Variants in RELN observed in about 807,000 individuals in gnomAD.
The protein encoded by RELN is reelin.
RELN carries 108 observed loss-of-function variants against 427.6 expected under a neutral mutation model. That is an observed-to-expected ratio of 0.25 (90% CI 0.22 to 0.30). The LOEUF (loss-of-function observed/expected upper bound fraction) is 0.30. Among genes scored for constraint, RELN ranks in the 10% least tolerant of loss-of-function variants. RELN has a pLI of 1.00. For synonymous variants in RELN, 1,524 were observed against 1,513.4 expected (o/e 1.01, Z -0.16); for missense variants, 3,715 against 4,302.8 (o/e 0.86, Z 3.82).
rs747867154 is a variant in RELN at position 103,515,209 on chromosome 7, T to C, written c.8095A>G (p.Met2699Val). 5 of 1,614,076 alleles carry C rather than the reference T, an allele frequency of 3.1e-6. No individual in the cohort carries two copies. The highest frequency in any genetic ancestry group is 1.6e-4 in the Middle Eastern group (1 of 6,084). ...CCTGAAGTTTTGTCTTCCATAAACATGTCAAAGGCGATCCTCCCGACAGGG... is the reference window on the plus strand; with the variant it reads ...CCTGAAGTTTTGTCTTCCATAAACACGTCAAAGGCGATCCTCCCGACAGGG... The part of the protein sequence containing the change: ...AGPVGRIAFD[M>V]FMEDKTSVNE... The change falls in exon 50 of 65, where the codon ATG (methionine) becomes GTG (valine). Residue 2699 changes from methionine to valine, a missense_variant. Coordinates refer to ENST00000428762, the MANE Select transcript of RELN (RefSeq NM_005045.4).
In RELN at chr7:103,523,651, C is replaced by T; in HGVS notation, c.7350-120G>A. On this transcript the variant is annotated intron_variant, in intron 46 of 64. Transcript: ENST00000428762. ...AAGCATGTACATTCCTACTTCTTTT[C>T]TGAAAAGAACATTCATTATTACAAT... 3.2e-6 allele frequency: 3 copies of T among 933,474 alleles called. 1 individual carries two copies. Among genetic ancestry groups the T allele is most frequent in the Non-Finnish European group, 5.0e-6 (3 of 597,406 alleles). The allele number at this position is 933,474 out of a possible 1,614,324, so 57.8% of individuals were successfully genotyped here.
intron 1 of RELN, among the ~76,000 whole-genome samples, chr7:103,965,874 T>C (rs1256933071): frequency 1.3e-5 from 2 of 152,228 alleles, no homozygotes; most frequent in East Asian, 3.8e-4. Flanking sequence ...TAAAAATTTA[T>C]TGAAACCAAT....
rs1828442221 is a variant in RELN at position 103,486,424 on chromosome 7, A to T, written c.9764-8T>A. 6.2e-7 allele frequency: 1 copy of T among 1,607,860 alleles called. No individual in the cohort carries two copies. The highest frequency in any genetic ancestry group is 8.5e-7 in the Non-Finnish European group (1 of 1,174,438). ...AAACAGAGCAGTCATCACCTAGAGG[A>T]CAAGGAGCAGTCACAGAAATTAAGT... On this transcript the variant is annotated splice_region_variant and splice_polypyrimidine_tract_variant and intron_variant, in intron 60 of 64. Coordinates refer to ENST00000428762, the MANE Select transcript of RELN (RefSeq NM_005045.4).
At chr7:103,709,793 T>A (rs11980212) in intron 8 of RELN, among the ~76,000 whole-genome samples, 9,252 of 152,250 alleles carry the variant, frequency 0.061, 952 homozygotes, top group African/African-American at 0.21. Context: ...GCTTAAAATA[T>A]CTACATTAAA....
At chr7:103,613,716 C>T (rs1294167264) in intron 20 of RELN, among the ~76,000 whole-genome samples, 1 of 152,180 alleles carries the variant, frequency 6.6e-6, no homozygotes, top group Non-Finnish European at 1.5e-5. Flanking sequence ...TAAAGATACA[C>T]CAGTCTCCTG....
chr7:103,557,213 G>T (rs1160222187), intron 37 of RELN, 54 bp from the exon 38 acceptor site: 1 of 1,423,054 alleles, frequency 7.0e-7, no homozygotes. Context: ...ATGGGGAAAT[G>T]GTATGTTCTT....
intron 20 of RELN, among the ~76,000 whole-genome samples, chr7:103,617,568 G>A (rs1039295884): frequency 6.6e-6 from 1 of 151,020 alleles, no homozygotes; most frequent in African/African-American, 2.4e-5. Context: ...GTATATATAT[G>A]TGTGTATATA....
intron 43 of RELN, among the ~76,000 whole-genome samples, chr7:103,542,137 G>A (rs887196225): frequency 1.3e-5 from 2 of 152,156 alleles, no homozygotes; most frequent in African/African-American, 4.8e-5. Flanking sequence ...ATAATCCTCT[G>A]AGCCAGTTTA....
chr7:103,736,638 A>C (rs924845007), intron 6 of RELN, among the ~76,000 whole-genome samples: 38 of 152,208 alleles, frequency 2.5e-4, no homozygotes, highest in African/African-American at 8.7e-4. Flanking sequence ...TAACACCTCT[A>C]AAATCTTACT....
At chr7:103,684,945 A>G (rs1440544032) in intron 10 of RELN, among the ~76,000 whole-genome samples, 3 of 152,202 alleles carry the variant, frequency 2.0e-5, no homozygotes, top group Non-Finnish European at 4.4e-5. Flanking sequence ...GGATCAACTT[A>G]AAACCTTTAG....
At chr7:103,706,322 T>G (rs1224574992) in intron 8 of RELN, among the ~76,000 whole-genome samples, 2 of 152,084 alleles carry the variant, frequency 1.3e-5, no homozygotes, top group Admixed American at 6.5e-5. Flanking sequence ...AGAGTGGAGT[T>G]AGAAATTTAA....
chr7:103,726,445 C>T (rs1445345340), intron 7 of RELN, among the ~76,000 whole-genome samples: 2 of 151,834 alleles, frequency 1.3e-5, no homozygotes, highest in African/African-American at 4.8e-5. Context: ...GAGTATTTTC[C>T]TTTTTGGTTG....
At chr7:103,581,307 T>TTTA (rs1033217508) in intron 28 of RELN, among the ~76,000 whole-genome samples, 1 of 152,132 alleles carries the variant, frequency 6.6e-6, no homozygotes, top group Non-Finnish European at 1.5e-5. Flanking sequence ...TTCCTTTTTG[T>TTTA]TTATTATTAT....
At chr7:103,543,796 C>T (rs1205431585) in intron 42 of RELN, among the ~76,000 whole-genome samples, 2 of 152,110 alleles carry the variant, frequency 1.3e-5, no homozygotes, top group East Asian at 3.8e-4. Flanking sequence ...TTAACCACGT[C>T]AAAGTAAACA....
chr7:103,818,631 T>C (rs1438354348), intron 3 of RELN, among the ~76,000 whole-genome samples: 2 of 152,180 alleles, frequency 1.3e-5, no homozygotes, highest in Admixed American at 6.6e-5. Flanking sequence ...GAAAAGAGCA[T>C]TAGTTACAAG....
At chr7:103,554,031 A>T (rs914731878) in intron 38 of RELN, among the ~76,000 whole-genome samples, 200 bp from the exon 39 acceptor site, 1 of 152,084 alleles carries the variant, frequency 6.6e-6, no homozygotes, top group African/African-American at 2.4e-5. Flanking sequence ...ACAAAAAATA[A>T]AAAAAATTAG....
chr7:103,494,951 A>G (rs1828790130), intron 57 of RELN, among the ~76,000 whole-genome samples: 2 of 152,100 alleles, frequency 1.3e-5, no homozygotes, highest in South Asian at 4.1e-4. Context: ...GAGGAAGGGG[A>G]GAGACAGCGG....
chr7:103,833,507 G>A, intron 3 of RELN, 30 bp downstream of exon 3: 4 of 1,603,776 alleles, frequency 2.5e-6, no homozygotes, highest in Non-Finnish European at 3.4e-6. Context: ...TTTGCCTTCT[G>A]TACGTATGGC....
chr7:103,783,866 A>T (rs532979258), intron 3 of RELN, among the ~76,000 whole-genome samples: 2 of 152,346 alleles, frequency 1.3e-5, no homozygotes, highest in Admixed American at 1.3e-4. Context: ...AGCCACATGT[A>T]GTATGAACTG....
Sources: gnomAD v4.1 joint callset for allele counts (sites outside exome capture counted in the v4.1 genomes callset) on GRCh38, gnomAD v4.1.1 for gene constraint, MANE v1.5 for transcripts, NCBI Gene and HGNC (gene_info 2026-07-23, HGNC 2026-07-21) for gene names.